Variants in KIF15 observed in about 807,000 individuals in gnomAD.
KIF15 encodes the protein kinesin family member 15, also known as kinesin-like protein KIF15.
A neutral mutation model predicts 190.6 loss-of-function variants in KIF15; 140 were observed. That is an observed-to-expected ratio of 0.73 (90% CI 0.64 to 0.84). The LOEUF is 0.84. KIF15 is among the 40% of genes least tolerant of loss of function. The pLI is 0.00. For missense variants in KIF15, 1,372 were observed against 1,584.4 expected, an observed-to-expected ratio of 0.87 and a Z score of 2.28; for synonymous variants, 528 against 551.3, an observed-to-expected ratio of 0.96 and a Z score of 0.59.
chr3:44,830,040 A>G lies in KIF15; in HGVS notation c.3013A>G (p.Ile1005Val), dbSNP rs1360681837. 6.3e-7 allele frequency: 1 copy of G among 1,592,944 alleles called. No individual in the cohort carries two copies. The highest frequency in any genetic ancestry group is 1.8e-5 in the Admixed American group (1 of 55,212). Residue 1005 changes from isoleucine (I) to valine (V), a missense_variant, in exon 25 of 35, where the codon ATA (isoleucine) becomes GTA (valine). Ile to Val is a conservative substitution (Grantham distance 29). Transcript: ENST00000326047. ...ATCGGTCTGTGAGAAAACAGAAACT[A>G]TAGACACCCTGAAACAAGAACTGAA... ...RTSVCEKTETIDTLKQELKDI... is the reference protein window; with the variant it reads ...RTSVCEKTETVDTLKQELKDI...
intron 6 of KIF15, among the ~76,000 whole-genome samples, chr3:44,866,354 G>C (rs1210173049): frequency 6.6e-6 from 1 of 152,182 alleles, no homozygotes; most frequent in African/African-American, 2.4e-5. Context: ...TTACAGGCGT[G>C]AGCCACTGCA....
intron 24 of KIF15, among the ~76,000 whole-genome samples, chr3:44,829,611 TTATA>T (rs1697928129): frequency 7.8e-6 from 1 of 128,194 alleles, no homozygotes; most frequent in Non-Finnish European, 1.5e-5. Flanking sequence ...TGCATATATA[TTATA>T]TATGTATATA....
At chr3:44,840,218 C>T (rs532368295) in intron 27 of KIF15, 137 bp from the exon 28 acceptor site, 1 of 538,822 alleles carries the variant, frequency 1.9e-6, no homozygotes, top group East Asian at 3.3e-5. Flanking sequence ...CCATCCCTAT[C>T]AGGTGCGAAG....
intron 32 of KIF15, 142 bp downstream of exon 32, chr3:44,848,700 A>T (rs41289592): frequency 0.1 from 41,958 of 406,876 alleles, 2,315 homozygotes; most frequent in South Asian, 0.12. Context: ...ATTTTTTTTT[A>T]AATACCATTT....
rs148787580 is a variant in KIF15 at position 44,830,889 on chromosome 3, T to C, written c.3049-7T>C. ...TGGCTCTTATAGCATGACTTTCTTT[T>C]CTACAGTGCAAATACAACTCTGCTT... On this transcript the variant is annotated splice_polypyrimidine_tract_variant and splice_region_variant and intron_variant, in intron 25 of 34. Transcript: ENST00000326047. 3,124 of 1,608,854 alleles carry C rather than the reference T, an allele frequency of 1.9e-3. 47 individuals carry two copies. The African/African-American group carries it at 0.035, about 18-fold the overall frequency.
Position 44,806,566 on chromosome 3 carries a change from A to G in KIF15, c.1971+580A>G, listed in dbSNP as rs78914157. Among the ~76,000 whole-genome samples the G allele has an allele frequency of 3.9e-3, 599 of 152,334 alleles. 5 individuals carry two copies. Among genetic ancestry groups the G allele is most frequent in the African/African-American group, 0.013 (522 of 41,576 alleles). On this transcript the variant is annotated intron_variant, in intron 16 of 34. Coordinates refer to ENST00000326047, the MANE Select transcript of KIF15 (RefSeq NM_020242.3). The stretch of plus-strand genomic sequence containing the variant: ...GAGAAAGGAAGTACACAAGGAAAAC[A>G]AAAGGTTGAGGAGGTGATACTGATT...
chr3:44,762,299 G>A (rs1705186505), intron 1 of KIF15, among the ~76,000 whole-genome samples: 1 of 152,096 alleles, frequency 6.6e-6, no homozygotes, highest in African/African-American at 2.4e-5. Context: ...CTTCCTATAG[G>A]GAAGGGTTTA....
chr3:44,774,464 C>T (rs761619224), intron 2 of KIF15, 27 bp downstream of exon 2: 42 of 1,579,046 alleles, frequency 2.7e-5, no homozygotes, highest in Non-Finnish European at 3.3e-5. Context: ...TCTCAATGAG[C>T]TCCCAAAGGA....
chr3:44,772,739 A>C (rs1194642910), intron 1 of KIF15, among the ~76,000 whole-genome samples: 1 of 152,072 alleles, frequency 6.6e-6, no homozygotes, highest in African/African-American at 2.4e-5. Flanking sequence ...AGAATCAACA[A>C]ATAGCTAAGG....
chr3:44,848,270 G>A (rs1698938366), intron 31 of KIF15, among the ~76,000 whole-genome samples: 1 of 152,204 alleles, frequency 6.6e-6, no homozygotes, highest in African/African-American at 2.4e-5. Flanking sequence ...CTACTGCTCA[G>A]CATGCACACA....
chr3:44,857,361 C>T (rs530645369), downstream of KIF15, among the ~76,000 whole-genome samples: 3 of 152,306 alleles, frequency 2.0e-5, no homozygotes, highest in African/African-American at 7.2e-5. Flanking sequence ...TTTAGGGCCT[C>T]TAAAAGTATT....
At chr3:44,865,960 C>T (rs1469623335) in intron 6 of KIF15, among the ~76,000 whole-genome samples, 1 of 152,126 alleles carries the variant, frequency 6.6e-6, no homozygotes, top group Non-Finnish European at 1.5e-5. Flanking sequence ...TTCAGAGGTC[C>T]CTCCATTCCC....
chr3:44,786,499 G>A lies in KIF15; in HGVS notation c.564G>A (p.Arg188=). 1 of 1,613,652 alleles carries A rather than the reference G, an allele frequency of 6.2e-7. No homozygotes were observed. The highest frequency in any genetic ancestry group is 8.5e-7 in the Non-Finnish European group (1 of 1,179,700). ...LDSASAGLYL[R]EHIKKGVFVV... ...CTGCATCGGCTGGACTGTACTTAAGGGAGCATATCAAGAAGGGAGTCTTTG... is the reference window on the plus strand; with the variant it reads ...CTGCATCGGCTGGACTGTACTTAAGAGAGCATATCAAGAAGGGAGTCTTTG... The change falls in exon 7 of 35, where the codon AGG becomes AGA. Residue 188 remains arginine, a synonymous_variant. Transcript: ENST00000326047.
At chr3:44,849,262 T>C (rs1698976872) in intron 32 of KIF15, among the ~76,000 whole-genome samples, 1 of 152,248 alleles carries the variant, frequency 6.6e-6, no homozygotes, top group South Asian at 2.1e-4. Flanking sequence ...TCTAAAATTT[T>C]TCATTGTAAG....
chr3:44,868,245 G>C (rs910729570), intron 6 of KIF15, among the ~76,000 whole-genome samples: 1 of 152,046 alleles, frequency 6.6e-6, no homozygotes, highest in East Asian at 1.9e-4. Context: ...TTTTCACCTA[G>C]CATAGTGTTT....
chr3:44,826,034 T>TAA lies in KIF15; in HGVS notation c.2550-3_2550-2dup. 1 of 1,577,054 alleles carries TAA rather than the reference T, an allele frequency of 6.3e-7. No individual in the cohort carries two copies. ...TACCATTTTTAAAATGTTTTCCTTA[T>TAA]AAAGGTTAGAAAACGAAAAGCTGCT... On this transcript the variant is annotated splice_polypyrimidine_tract_variant and splice_region_variant and intron_variant, in intron 20 of 34. Coordinates refer to ENST00000326047, the MANE Select transcript of KIF15 (RefSeq NM_020242.3).
chr3:44,768,415 T>C (rs1705501708), intron 1 of KIF15, among the ~76,000 whole-genome samples: 1 of 152,060 alleles, frequency 6.6e-6, no homozygotes, highest in South Asian at 2.1e-4. Context: ...GAGTGGAATT[T>C]ATTAAAAGGA....
intron 6 of KIF15, chr3:44,861,939 G>T: frequency 7.0e-7 from 1 of 1,422,904 alleles, no homozygotes; most frequent in Non-Finnish European, 9.2e-7. Flanking sequence ...CCGAGAGGCC[G>T]GGGCCTCCGG....
chr3:44,823,734 C>G (rs899457338), intron 20 of KIF15, among the ~76,000 whole-genome samples: 2 of 152,248 alleles, frequency 1.3e-5, no homozygotes, highest in African/African-American at 4.8e-5. Context: ...TGGCCCTCCC[C>G]CTGCCAGGCT....
Sources: allele counts gnomAD v4.1 joint callset (sites outside exome capture counted in the v4.1 genomes callset), GRCh38; gene constraint gnomAD v4.1.1; transcripts MANE v1.5; gene names NCBI Gene and HGNC (gene_info 2026-07-23, HGNC 2026-07-21).